CD96: variants seen among roughly 807,000 people sequenced by gnomAD.
CD96 encodes the protein CD96 molecule, also known as T-cell surface protein tactile.
In CD96, 70 loss-of-function variants were observed where a neutral mutation model predicts 71.3. The ratio of observed to expected loss-of-function variants is 0.98; its 90% CI spans 0.81 to 1.20. The LOEUF is 1.20. Ranked by LOEUF, CD96 falls within the 50% of genes most tolerant of loss-of-function variation. CD96 has a pLI of 0.00. For missense variants in CD96, 742 were observed against 677.5 expected (o/e 1.10, Z -1.06); for synonymous variants, 248 against 233.0 (o/e 1.06, Z -0.59).
chr3:111,585,623 T>C (rs1003409214), intron 5 of CD96, among the ~76,000 whole-genome samples: 6 of 148,242 alleles, frequency 4.0e-5, no homozygotes, highest in Admixed American at 6.6e-5. Context: ...GAAAAAAAAA[T>C]AGTCACAATT....
intron 8 of CD96, among the ~76,000 whole-genome samples, chr3:111,614,799 C>T (rs1056250894): frequency 6.6e-6 from 1 of 152,196 alleles, no homozygotes; most frequent in African/African-American, 2.4e-5. Context: ...CACCATGCCC[C>T]TTTGTCCTAA....
chr3:111,651,326 C>T lies in CD96; in HGVS notation c.*1520C>T, dbSNP rs1255828604. On this transcript the variant is annotated 3_prime_UTR_variant, in exon 14 of 14. Transcript: ENST00000352690. ...TGCTGAATACAGATGATTTGTGTAACCTGAGGCCAGGATTAAGGGGAGGCA... is the reference window on the plus strand; with the variant it reads ...TGCTGAATACAGATGATTTGTGTAATCTGAGGCCAGGATTAAGGGGAGGCA... 1.3e-5 allele frequency: 2 copies of T among 152,158 alleles called. No individual in the cohort carries two copies. The highest frequency in any genetic ancestry group is 1.9e-4 in the East Asian group (1 of 5,188). The allele number at this position is 152,158 out of a possible 1,614,324, so 9.4% of individuals were successfully genotyped here.
chr3:111,576,451 G>T (rs918889313), intron 3 of CD96, among the ~76,000 whole-genome samples: 6 of 152,122 alleles, frequency 3.9e-5, no homozygotes, highest in African/African-American at 1.4e-4. Context: ...CACATGAAAG[G>T]TTCTAGCTTT....
rs530272250 is a variant in CD96, at chr3:111,609,866, G to C, written c.1180+3074G>C. Reference sequence around the variant, plus strand: ...ACCAGGGTAATTTTGCCACTCCAGAGGACCTTTGGCAGTGCCTGGAGACAT... The same window carrying C: ...ACCAGGGTAATTTTGCCACTCCAGACGACCTTTGGCAGTGCCTGGAGACAT... On this transcript the variant is annotated intron_variant, in intron 8 of 13. Transcript: ENST00000352690. 5.9e-5 allele frequency among the ~76,000 whole-genome samples: 9 copies of C among 152,246 alleles called. No homozygotes were observed. In the East Asian group the frequency reaches 1.5e-3, roughly 26 times the overall value.
At chr3:111,589,228 G>A (rs548768924) in intron 5 of CD96, among the ~76,000 whole-genome samples, 1 of 152,278 alleles carries the variant, frequency 6.6e-6, no homozygotes, top group South Asian at 2.1e-4. Flanking sequence ...GGGATTACAG[G>A]CATGAGCCAC....
chr3:111,594,098 A>C, intron 5 of CD96: 1 of 1,614,142 alleles, frequency 6.2e-7, no homozygotes, highest in Non-Finnish European at 8.5e-7. Flanking sequence ...AAAAGGGCCA[A>C]CCAGTTCTCC....
At chr3:111,631,519 T>G (rs778885095) in intron 10 of CD96, among the ~76,000 whole-genome samples, 1 of 152,088 alleles carries the variant, frequency 6.6e-6, no homozygotes, top group Non-Finnish European at 1.5e-5. Flanking sequence ...AAACATTCCA[T>G]GCACATGGGT....
chr3:111,602,474 C>G (rs1937520167), intron 7 of CD96, among the ~76,000 whole-genome samples: 1 of 151,988 alleles, frequency 6.6e-6, no homozygotes, highest in Admixed American at 6.6e-5. Flanking sequence ...AGTCTTTATC[C>G]TTTATGATCA....
intron 3 of CD96, among the ~76,000 whole-genome samples, chr3:111,571,757 A>G (rs1327211257): frequency 6.6e-6 from 1 of 152,148 alleles, no homozygotes; most frequent in East Asian, 1.9e-4. Context: ...GTCAAAATCT[A>G]TTTGCTCCTC....
intron 5 of CD96, among the ~76,000 whole-genome samples, chr3:111,587,481 A>G (rs1936769043): frequency 6.6e-6 from 1 of 152,170 alleles, no homozygotes; most frequent in Non-Finnish European, 1.5e-5. Context: ...GAGTTTCTGC[A>G]GCTTTTCCAG....
At chr3:111,545,018 A>G in intron 1 of CD96, 28 bp from the exon 2 acceptor site, 1 of 1,570,044 alleles carries the variant, frequency 6.4e-7, no homozygotes. Context: ...AATTATTTAA[A>G]CTCATGGCTC....
At chr3:111,582,626 T>A (rs1936518932) in intron 4 of CD96, among the ~76,000 whole-genome samples, 2 of 152,136 alleles carry the variant, frequency 1.3e-5, no homozygotes, top group South Asian at 4.2e-4. Context: ...GAAAAAGAGA[T>A]TTAGTTGGAC....
chr3:111,565,701 C>CT lies in CD96; in HGVS notation c.419-1814dup, dbSNP rs962863930. On this transcript the variant is annotated intron_variant, in intron 2 of 13. Coordinates refer to ENST00000352690, the MANE Select transcript of CD96 (RefSeq NM_005816.5). Reference sequence around the variant, plus strand: ...TTTTTTCTCCTTAAGGGACAGGGGTCTTTTTTTTCAATTATGGGCTTGGAG... The same window carrying CT: ...TTTTTTCTCCTTAAGGGACAGGGGTCTTTTTTTTTCAATTATGGGCTTGGAG... 2.0e-5 allele frequency among the ~76,000 whole-genome samples: 3 copies of CT among 151,072 alleles called. No homozygotes were observed. The South Asian group carries it at 6.3e-4, about 32-fold the overall frequency.
chr3:111,567,783 A>G (rs1935791140), intron 3 of CD96, 136 bp downstream of exon 3: 1 of 801,612 alleles, frequency 1.2e-6, no homozygotes. Flanking sequence ...GAAGAGGGGT[A>G]GGGAAGGAAG....
chr3:111,609,906 A>G (rs73230115), intron 8 of CD96, among the ~76,000 whole-genome samples: 1 of 152,298 alleles, frequency 6.6e-6, no homozygotes, highest in Non-Finnish European at 1.5e-5. Flanking sequence ...GGTTGTCACA[A>G]TGAGGGTAGG....
At chr3:111,592,150 T>A (rs1937019946) in intron 5 of CD96, among the ~76,000 whole-genome samples, 1 of 152,192 alleles carries the variant, frequency 6.6e-6, no homozygotes, top group South Asian at 2.1e-4. Context: ...GAGGGTGGTG[T>A]GGTTATAGAG....
chr3:111,570,586 AAGCTAAGGG>A lies in CD96; in HGVS notation c.543+2941_543+2949del. The A allele has an allele frequency of 7.4e-6, 11 of 1,495,006 alleles. No individual in the cohort carries two copies. In the South Asian group the frequency reaches 1.4e-4, roughly 18 times the overall value. 92.6% of individuals were successfully genotyped at this position (1,495,006 alleles called of 1,614,324 possible). On this transcript the variant is annotated intron_variant, in intron 3 of 13. Coordinates refer to ENST00000352690, the MANE Select transcript of CD96 (RefSeq NM_005816.5). ...AGGGGGCACTAGATCCTTGGCAAGAAAGCTAAGGGATCAACAGGTGAGATGTGAGACACC... is the reference window on the plus strand; with the variant it reads ...AGGGGGCACTAGATCCTTGGCAAGAAATCAACAGGTGAGATGTGAGACACC...
At chr3:111,598,457 ATT>A (rs1937354053) in intron 6 of CD96, among the ~76,000 whole-genome samples, 1 of 152,248 alleles carries the variant, frequency 6.6e-6, no homozygotes, top group African/African-American at 2.4e-5. Flanking sequence ...CAAATATTTT[ATT>A]TAACTAGCAG....
chr3:111,599,883 T>C (rs1384329922), intron 6 of CD96, among the ~76,000 whole-genome samples: 1 of 152,228 alleles, frequency 6.6e-6, no homozygotes, highest in African/African-American at 2.4e-5. Flanking sequence ...TACATCAGAA[T>C]TGGTGTTAAG....
Sources: gnomAD v4.1 joint callset for allele counts (sites outside exome capture counted in the v4.1 genomes callset) on GRCh38, gnomAD v4.1.1 for gene constraint, MANE v1.5 for transcripts, NCBI Gene and HGNC (gene_info 2026-07-23, HGNC 2026-07-21) for gene names.